AQR: variants seen among roughly 807,000 people sequenced by gnomAD.
The protein encoded by AQR is RNA helicase aquarius.
In AQR, 61 loss-of-function variants were observed where a neutral mutation model predicts 180.5. The ratio of observed to expected loss-of-function variants is 0.34; its 90% confidence interval spans 0.28 to 0.42. The LOEUF (loss-of-function observed/expected upper bound fraction) is 0.42, where lower values mean the gene tolerates loss of function less well. Among genes scored for constraint, AQR ranks in the 10% least tolerant of loss-of-function variants. The probability of loss-of-function intolerance (pLI) is 1.00; values close to 1 mark genes in which losing one functional copy is unlikely to be tolerated. For missense variants in AQR, 1,281 were observed against 1,798.3 expected, an observed-to-expected ratio of 0.71 and a Z score of 5.20; for synonymous variants, 551 against 588.8, an observed-to-expected ratio of 0.94 and a Z score of 0.93.
chr15:34,944,907 G>A (rs1330942620), intron 5 of AQR, among the ~76,000 whole-genome samples: 1 of 152,078 alleles, frequency 6.6e-6, no homozygotes, highest in African/African-American at 2.4e-5. Context: ...ACCTACCTCT[G>A]TTTCTAGTTA....
At chr15:34,967,752 C>T (rs1264752760) in intron 1 of AQR, among the ~76,000 whole-genome samples, 2 of 152,184 alleles carry the variant, frequency 1.3e-5, no homozygotes, top group Admixed American at 6.5e-5. Context: ...TCAAATCACA[C>T]AACACTATGA....
rs1250925681 is a variant in AQR, at chr15:34,874,017, C to T, written c.3426-18G>A. 4 of 1,575,708 alleles carry T rather than the reference C, an allele frequency of 2.5e-6. No homozygotes were observed. Among genetic ancestry groups the T allele is most frequent in the Middle Eastern group, 1.7e-4 (1 of 5,864 alleles). On this transcript the variant is annotated intron_variant, in intron 29 of 34. Transcript: ENST00000156471. ...TGCACAAGCTTTCCAAAGACAAATT[C>T]CCCCACAAACAGAAAATATTAGCAG...
At chr15:34,947,505 A>G (rs1595807576) in intron 5 of AQR, among the ~76,000 whole-genome samples, 1 of 142,620 alleles carries the variant, frequency 7.0e-6, no homozygotes, top group East Asian at 2.1e-4. Context: ...AAGAATGATC[A>G]ATAAAAAAAA....
At chr15:34,897,973 A>G (rs1391061979) in intron 20 of AQR, among the ~76,000 whole-genome samples, 2 of 152,224 alleles carry the variant, frequency 1.3e-5, no homozygotes, top group Non-Finnish European at 2.9e-5. Context: ...TGTGCATTGT[A>G]AAGTGTTTTA....
intron 5 of AQR, among the ~76,000 whole-genome samples, chr15:34,947,320 G>C (rs373675699): frequency 6.6e-6 from 1 of 150,630 alleles, no homozygotes; most frequent in Non-Finnish European, 1.5e-5. Flanking sequence ...CAGCATGCTC[G>C]TTAAGAGTCA....
intron 34 of AQR, 59 bp downstream of exon 34, chr15:34,859,983 G>T (rs1892646294): frequency 2.1e-6 from 2 of 932,874 alleles, no homozygotes; most frequent in Non-Finnish European, 3.0e-6. Context: ...GATTTATTCT[G>T]AAAAAAAGAA....
chr15:34,954,903 G>A (rs933961377), intron 3 of AQR, among the ~76,000 whole-genome samples: 2 of 151,586 alleles, frequency 1.3e-5, no homozygotes, highest in Non-Finnish European at 2.9e-5. Flanking sequence ...AGGGTGGACT[G>A]CCTGAGCTCA....
chr15:34,909,892 A>G (rs1232737439), intron 17 of AQR, among the ~76,000 whole-genome samples: 1 of 152,188 alleles, frequency 6.6e-6, no homozygotes, highest in African/African-American at 2.4e-5. Context: ...CAAAACGTTG[A>G]TATGTATGCA....
rs996108172 is a variant in AQR at position 34,925,788 on chromosome 15, G to A, written c.1118+1247C>T. 6.6e-5 allele frequency among the ~76,000 whole-genome samples: 10 copies of A among 151,690 alleles called. No homozygotes were observed. The East Asian group carries it at 7.8e-4, about 12-fold the overall frequency. Reference sequence around the variant, plus strand: ...GCAGAGGTTGCAGTGAGCCGAGATCGCACCACTGCACTCCAGCCTGGGCAA... The same window carrying A: ...GCAGAGGTTGCAGTGAGCCGAGATCACACCACTGCACTCCAGCCTGGGCAA... On this transcript the variant is annotated intron_variant, in intron 13 of 34. Coordinates refer to ENST00000156471, the MANE Select transcript of AQR (RefSeq NM_014691.3).
At chr15:34,877,481 AATGATTAGGTCATT>A (rs200015785) in intron 27 of AQR, among the ~76,000 whole-genome samples, 2,428 of 152,254 alleles carry the variant, frequency 0.016, 34 homozygotes, top group Admixed American at 0.025. Flanking sequence ...TCCCTATTAT[AATGATTAGGTCATT>A]TTTGTGGGAG....
At chr15:34,939,116 T>C (rs1046689134) in intron 8 of AQR, among the ~76,000 whole-genome samples, 1 of 152,214 alleles carries the variant, frequency 6.6e-6, no homozygotes, top group Non-Finnish European at 1.5e-5. Context: ...TTGCCCAGGC[T>C]GGAGTGCAGT....
At chr15:34,912,772 CAT>C (rs1161065756) in intron 16 of AQR, among the ~76,000 whole-genome samples, 1 of 151,980 alleles carries the variant, frequency 6.6e-6, no homozygotes, top group African/African-American at 2.4e-5. Context: ...AAATACGTAA[CAT>C]AAAAACTGAA....
rs1305725194 is a variant in AQR at position 34,938,816 on chromosome 15, A to G, written c.642-3T>C. ...GAAATCTCCTCTCTTGATATGCCCT[A>G]AAATCAGAAAGAACATTGACCAATT... On this transcript the variant is annotated splice_polypyrimidine_tract_variant and splice_region_variant and intron_variant, in intron 8 of 34. Transcript: ENST00000156471. The G allele has an allele frequency of 6.3e-7, 1 of 1,596,854 alleles. No homozygotes were observed. Among genetic ancestry groups the G allele is most frequent in the South Asian group, 1.1e-5 (1 of 89,358 alleles).
chr15:34,900,936 G>T (rs761997226), intron 19 of AQR, 73 bp from the exon 20 acceptor site: 29 of 1,504,146 alleles, frequency 1.9e-5, no homozygotes, highest in South Asian at 2.8e-5. Flanking sequence ...GGAATGCAGA[G>T]CTGGCTGCAC....
intron 33 of AQR, among the ~76,000 whole-genome samples, chr15:34,860,409 T>TAA (rs35242788): frequency 1.4e-5 from 2 of 140,850 alleles, no homozygotes; most frequent in Non-Finnish European, 3.1e-5. Flanking sequence ...TGACTCCCAT[T>TAA]AAAAAAAAAA....
chr15:34,894,853 C>T (rs1253102901), intron 22 of AQR, among the ~76,000 whole-genome samples: 1 of 151,656 alleles, frequency 6.6e-6, no homozygotes, highest in Non-Finnish European at 1.5e-5. Flanking sequence ...GAAAACACTA[C>T]ACCCAAAAAT....
intron 6 of AQR, among the ~76,000 whole-genome samples, chr15:34,942,816 C>G (rs1046272576): frequency 6.6e-6 from 1 of 152,166 alleles, no homozygotes; most frequent in Non-Finnish European, 1.5e-5. Context: ...TCAGCATTAG[C>G]TCATTCAATG....
chr15:34,930,811 G>A (rs926098498), intron 11 of AQR, among the ~76,000 whole-genome samples: 15 of 132,566 alleles, frequency 1.1e-4, no homozygotes, highest in Admixed American at 2.4e-4. Context: ...TTTTTTATAC[G>A]CCACTTCTTT....
chr15:34,899,250 A>G (rs1368801074), intron 20 of AQR, among the ~76,000 whole-genome samples: 1 of 152,198 alleles, frequency 6.6e-6, no homozygotes, highest in Non-Finnish European at 1.5e-5. Flanking sequence ...GGGAGTAAAA[A>G]GATTCAAAAA....
Sources: gnomAD v4.1 joint callset for allele counts (sites outside exome capture counted in the v4.1 genomes callset) on GRCh38, gnomAD v4.1.1 for gene constraint, MANE v1.5 for transcripts, NCBI Gene and HGNC (gene_info 2026-07-23, HGNC 2026-07-21) for gene names.